Variants in HTT observed in about 807,000 individuals in gnomAD.
The protein encoded by HTT is huntingtin.
In HTT, 104 loss-of-function variants were observed where a neutral mutation model predicts 362.3. The observed-to-expected ratio is 0.29, with a 90% CI of 0.24 to 0.34. The LOEUF is 0.34. HTT is among the 10% of genes least tolerant of loss of function. The pLI, the probability that HTT is intolerant of heterozygous loss-of-function variation, is 1.00. For missense variants in HTT, 3,301 were observed against 3,928.6 expected (o/e 0.84, Z 4.27); for synonymous variants, 1,577 against 1,548.7 (o/e 1.02, Z -0.43).
rs1295561226 is a variant in HTT at position 3,172,397 on chromosome 4, A to G, written c.3942A>G (p.Gln1314=). The change falls in exon 30 of 67, where the codon CAA becomes CAG. Residue 1314 remains glutamine (Q), a splice_region_variant and synonymous_variant. Transcript: ENST00000355072. ...EPMMATVCVQ[Q]LLKTLFGTNL... is the part of the protein sequence containing the mutation. ...TGATGGCAACTGTTTGTGTTCAACA[A>G]GTAAGAGCTTCATTCTTTTCCTCTT... is the stretch of plus-strand genomic sequence containing the variant. The G allele has an allele frequency of 1.3e-6, 2 of 1,595,298 alleles. No individual in the cohort carries two copies. Among genetic ancestry groups the G allele is most frequent in the Admixed American group, 3.3e-5 (2 of 60,018 alleles).
chr4:3,239,868 A>T lies in HTT; in HGVS notation c.9238A>T (p.Met3080Leu). The change falls in exon 67 of 67, where the codon ATG becomes TTG. Residue 3080 changes from methionine (M) to leucine (L), a missense_variant. Around this residue, in one of 4 missense-constraint regions of HTT, gnomAD observed 753 missense variants for 1,021.3 expected, o/e 0.74. Coordinates refer to ENST00000355072, the MANE Select transcript of HTT (RefSeq NM_001388492.1). ...CAGCCTCCCACATGTCATCAGCAGG[A>T]TGGGCAAGCTGGAGCAGGTGGACGT... ...AAILPHVISR[M>L]GKLEQVDVNL... The T allele has an allele frequency of 2.6e-6, 4 of 1,561,332 alleles. No homozygotes were observed. The highest frequency in any genetic ancestry group is 3.5e-6 in the Non-Finnish European group (4 of 1,151,796).
At position 3,186,653 on chromosome 4, in the gene HTT, G is replaced by A. The variant is rs1718772031; in HGVS notation, c.4923G>A (p.Leu1641=). The A allele has an allele frequency of 1.9e-6, 3 of 1,584,404 alleles. No homozygotes were observed. The highest frequency in any genetic ancestry group is 1.4e-5 in the African/African-American group (1 of 73,634). ...LGVLNTLFEI[L]APSSLRPVDM... ...TGTTAAATACATTATTTGAGATTTT[G>A]GCCCCTTCCTCCCTCCGTCCGGTAG... The change falls in exon 38 of 67, where the codon TTG becomes TTA. Residue 1641 remains leucine, a synonymous_variant. Transcript: ENST00000355072.
Position 3,243,391 on chromosome 4 carries a change from G to A in HTT, c.*3332G>A, listed in dbSNP as rs916822466. 2 of 152,572 alleles carry A rather than the reference G, an allele frequency of 1.3e-5. No individual in the cohort carries two copies. The highest frequency in any genetic ancestry group is 4.8e-5 in the African/African-American group (2 of 41,464). The allele number at this position is 152,572 out of a possible 1,614,324, so 9.5% of individuals were successfully genotyped here. On this transcript the variant is annotated 3_prime_UTR_variant, in exon 67 of 67. Coordinates refer to ENST00000355072, the MANE Select transcript of HTT (RefSeq NM_001388492.1). ...AGACTTGGAGCTGTCCTCCAGAGGG[G>A]TCACGTGTAGGAGTGAGAAGAAGGA...
At chr4:3,191,375 A>T (rs952394786) in intron 40 of HTT, among the ~76,000 whole-genome samples, 2 of 151,914 alleles carry the variant, frequency 1.3e-5, no homozygotes, top group African/African-American at 2.4e-5. Flanking sequence ...GGGTTTCTCC[A>T]TGTTGAGGCT....
Position 3,229,958 on chromosome 4 carries a change from G to T in HTT, c.8181G>T (p.Leu2727=). The change falls in exon 60 of 67, where the codon CTG becomes CTT. Residue 2727 remains leucine (L), a synonymous_variant. Transcript: ENST00000355072. The stretch of plus-strand genomic sequence containing the variant: ...TGATGTATGTGACGCTGACAGAACT[G>T]CGAAGGGTGCACCCTTCAGAAGACG... The part of the protein sequence containing the change: ...FELMYVTLTE[L]RRVHPSEDEI... The T allele has an allele frequency of 6.2e-7, 1 of 1,613,796 alleles. No homozygotes were observed. The highest frequency in any genetic ancestry group is 1.1e-5 in the South Asian group (1 of 91,084).
chr4:3,114,079 A>G (rs188493537), intron 6 of HTT, among the ~76,000 whole-genome samples: 1,713 of 152,342 alleles, frequency 0.011, 32 homozygotes, highest in African/African-American at 0.039. Flanking sequence ...CATTGTTTCT[A>G]TAGATGTTAA....
Position 3,157,077 on chromosome 4 carries a change from A to G in HTT, c.3631A>G (p.Arg1211Gly), listed in dbSNP as rs763332436. 2.5e-6 allele frequency: 4 copies of G among 1,603,870 alleles called. No individual in the cohort carries two copies. Among genetic ancestry groups the G allele is most frequent in the Non-Finnish European group, 2.5e-6 (3 of 1,177,276 alleles). ...TTGTGTGCATATTTTTAAAGCTTCT[A>G]GACAATCTGATACCTCAGGTCCTGT... The part of the protein sequence containing the change: ...KKGSEASAAS[R>G]QSDTSGPVTT... Residue 1211 changes from arginine (R) to glycine (G), a missense_variant, in exon 28 of 67, where the codon AGA (arginine) becomes GGA (glycine). Arg to Gly is a moderately radical substitution (Grantham distance 125). Transcript: ENST00000355072.
intron 5 of HTT, 147 bp from the exon 6 acceptor site, chr4:3,107,138 A>G (rs1714472690): frequency 2.9e-6 from 2 of 685,468 alleles, no homozygotes; most frequent in Admixed American, 2.9e-5. Context: ...TCCACATTTC[A>G]TCCTCCTGTT....
chr4:3,086,964 A>G lies in HTT; in HGVS notation c.289A>G (p.Lys97Glu). ...RPKKELSATK[K>E]DRVNHCLTIC... is the part of the protein sequence containing the mutation. Reference sequence around the variant, plus strand: ...AAAGAAAGAACTTTCAGCTACCAAGAAAGACCGTGTGAATCATTGTCTGAC... The same window carrying G: ...AAAGAAAGAACTTTCAGCTACCAAGGAAGACCGTGTGAATCATTGTCTGAC... Residue 97 changes from lysine to glutamate, a missense_variant, in exon 2 of 67, where the codon AAA (lysine) becomes GAA (glutamate). This residue lies in a region of HTT where 2,316 missense variants were observed against 2,658.5 expected (regional missense o/e 0.87). Transcript: ENST00000355072. 2 of 1,607,974 alleles carry G rather than the reference A, an allele frequency of 1.2e-6. No individual in the cohort carries two copies. The highest frequency in any genetic ancestry group is 8.5e-7 in the Non-Finnish European group (1 of 1,174,692).
intron 10 of HTT, among the ~76,000 whole-genome samples, chr4:3,124,479 A>G (rs1260084854): frequency 1.3e-5 from 2 of 152,156 alleles, no homozygotes; most frequent in East Asian, 3.8e-4. Flanking sequence ...TGTGTTGGAT[A>G]TAGGATTAGG....
Position 3,122,876 on chromosome 4 carries a change from C to A in HTT, c.1274-13C>A, listed in dbSNP as rs1214924066. 1 of 1,599,330 alleles carries A rather than the reference C, an allele frequency of 6.3e-7. No individual in the cohort carries two copies. Among genetic ancestry groups the A allele is most frequent in the Non-Finnish European group, 8.5e-7 (1 of 1,171,262 alleles). On this transcript the variant is annotated splice_polypyrimidine_tract_variant and intron_variant, in intron 9 of 66. Transcript: ENST00000355072. ...AGCTTGTTACTTTATCTGTCACTTT[C>A]TGTGATTTGCAGCTGGAGGGGGTTC...
Position 3,212,111 on chromosome 4 carries a change from G to A in HTT, c.6597G>A (p.Ala2199=), listed in dbSNP as rs766552044. ...VFQPELPAEP[A]AYWSKLNDLF... The stretch of plus-strand genomic sequence containing the variant: ...AGCCCGAGCTGCCTGCAGAGCCGGC[G>A]GCCTACTGGAGCAAGTTGAATGATC... Residue 2199 remains alanine, a synonymous_variant, in exon 48 of 67, where the codon GCG becomes GCA. Transcript: ENST00000355072. 9 of 1,613,476 alleles carry A rather than the reference G, an allele frequency of 5.6e-6. No individual in the cohort carries two copies. The highest frequency in any genetic ancestry group is 2.7e-5 in the African/African-American group (2 of 74,894).
intron 6 of HTT, among the ~76,000 whole-genome samples, chr4:3,112,649 T>G (rs1406307267): frequency 2.6e-5 from 4 of 152,246 alleles, no homozygotes; most frequent in Non-Finnish European, 5.9e-5. Context: ...CACAGTTTAT[T>G]CATTGTATTA....
intron 24 of HTT, among the ~76,000 whole-genome samples, chr4:3,146,235 T>C (rs966238390): frequency 2.0e-5 from 3 of 152,224 alleles, no homozygotes; most frequent in Admixed American, 6.5e-5. Context: ...CACTGTCTTT[T>C]CTAGGGGATT....
chr4:3,144,253 CTT>C (rs1185122787), intron 23 of HTT, among the ~76,000 whole-genome samples: 4 of 151,984 alleles, frequency 2.6e-5, no homozygotes, highest in Non-Finnish European at 1.5e-5. Flanking sequence ...GCAAGTATAA[CTT>C]TTGTTATCAG....
chr4:3,202,037 T>C (rs915437851), intron 41 of HTT, among the ~76,000 whole-genome samples: 25 of 152,196 alleles, frequency 1.6e-4, no homozygotes, highest in Admixed American at 1.4e-3. Context: ...GAGGTCCTTA[T>C]GTGGGTCCTG....
At position 3,172,326 on chromosome 4, in the gene HTT, G is replaced by A; in HGVS notation, c.3871G>A (p.Glu1291Lys). ...CTCACTTGTCTTTCTACAGTGTGTT[G>A]AAGAGATCCTAGGATACCTGAAATC... is the stretch of plus-strand genomic sequence containing the variant. ...ATLQDIGKCV[E>K]EILGYLKSCF... The change falls in exon 30 of 67, where the codon GAA becomes AAA. Residue 1291 changes from glutamate to lysine, a missense_variant. Physicochemically the swap from Glu to Lys is moderately conservative, Grantham distance 56. Coordinates refer to ENST00000355072, the MANE Select transcript of HTT (RefSeq NM_001388492.1). 1 of 1,589,480 alleles carries A rather than the reference G, an allele frequency of 6.3e-7. No homozygotes were observed. The highest frequency in any genetic ancestry group is 1.7e-4 in the Middle Eastern group (1 of 6,020).
Position 3,127,317 on chromosome 4 carries a change from A to G in HTT, c.1456A>G (p.Thr486Ala), listed in dbSNP as rs548696125. 5.6e-6 allele frequency: 9 copies of G among 1,614,104 alleles called. No homozygotes were observed. The East Asian group carries it at 6.7e-5, about 12-fold the overall frequency. The change falls in exon 12 of 67, where the codon ACT becomes GCT. Residue 486 changes from threonine to alanine, a missense_variant. Thr to Ala is a moderately conservative substitution (Grantham distance 58). Transcript: ENST00000355072. The part of the protein sequence containing the change: ...GELAASSGVS[T>A]PGSAGHDIIT... ...GCTGGCTGCTTCTTCAGGGGTTTCC[A>G]CTCCAGGGTCAGCAGGTCATGACAT...
chr4:3,235,205 C>T (rs780337459), intron 61 of HTT, 79 bp from the exon 62 acceptor site: 134 of 1,038,686 alleles, frequency 1.3e-4, no homozygotes, highest in Non-Finnish European at 1.9e-4. Flanking sequence ...TACACTCCCG[C>T]GTGGGGCCGG....
Sources: allele counts gnomAD v4.1 joint callset (sites outside exome capture counted in the v4.1 genomes callset), GRCh38; gene constraint gnomAD v4.1.1; regional missense constraint gnomAD v4.1.1; transcripts MANE v1.5; gene names NCBI Gene and HGNC (gene_info 2026-07-23, HGNC 2026-07-21).